The following MAMDC2 variants were observed in gnomAD, a reference collection of about 807,000 sequenced individuals.
The protein encoded by MAMDC2 is MAM domain containing 2.
Under a neutral mutation model 89.8 loss-of-function variants are expected in MAMDC2, and 57 were observed. The observed-to-expected ratio is 0.63, with a 90% CI of 0.51 to 0.79. The LOEUF (loss-of-function observed/expected upper bound fraction) is 0.79. Among genes scored for constraint, MAMDC2 ranks in the 30% least tolerant of loss-of-function variants. The pLI, the probability that MAMDC2 is intolerant of heterozygous loss-of-function variation, is 0.00. For missense variants in MAMDC2, 800 were observed against 820.6 expected (o/e 0.97, Z 0.31); for synonymous variants, 313 against 293.4 (o/e 1.07, Z -0.68).
At chr9:70,168,471 G>A in intron 9 of MAMDC2, 1 of 406,870 alleles carries the variant, frequency 2.5e-6, no homozygotes, top group African/African-American at 2.0e-5. Flanking sequence ...CAGCCTTGGC[G>A]ACAGAGCGAG....
At chr9:70,050,056 A>G (rs528756988) in intron 2 of MAMDC2, among the ~76,000 whole-genome samples, 34 of 152,042 alleles carry the variant, frequency 2.2e-4, no homozygotes, top group African/African-American at 7.0e-4. Flanking sequence ...TGTGTTGGAA[A>G]CTCTTCATCA....
At chr9:70,192,961 C>T (rs892667318) in intron 11 of MAMDC2, among the ~76,000 whole-genome samples, 2 of 152,052 alleles carry the variant, frequency 1.3e-5, no homozygotes, top group Admixed American at 6.6e-5. Flanking sequence ...GATTAGACAT[C>T]ACCTGGAGGA....
At chr9:70,063,803 C>A (rs1827203197) in intron 2 of MAMDC2, among the ~76,000 whole-genome samples, 1 of 151,938 alleles carries the variant, frequency 6.6e-6, no homozygotes, top group Non-Finnish European at 1.5e-5. Context: ...ATTATCATTC[C>A]CATTTTACAG....
chr9:70,188,300 C>G (rs73448668), intron 11 of MAMDC2, among the ~76,000 whole-genome samples: 1 of 152,084 alleles, frequency 6.6e-6, no homozygotes, highest in Admixed American at 6.5e-5. Flanking sequence ...TTAACAATTA[C>G]GATTTACAAT....
At chr9:70,208,118 C>G (rs1286421061) in intron 11 of MAMDC2, among the ~76,000 whole-genome samples, 1 of 152,136 alleles carries the variant, frequency 6.6e-6, no homozygotes, top group Non-Finnish European at 1.5e-5. Flanking sequence ...ACTGAGGGCT[C>G]TTTTTTGATT....
chr9:70,151,354 T>A (rs2031573143), intron 9 of MAMDC2, among the ~76,000 whole-genome samples: 1 of 152,246 alleles, frequency 6.6e-6, no homozygotes, highest in Non-Finnish European at 1.5e-5. Flanking sequence ...TTATTGTCCA[T>A]CTCTTTTCCT....
At chr9:70,066,100 A>G (rs565434306) in intron 2 of MAMDC2, among the ~76,000 whole-genome samples, 3 of 152,290 alleles carry the variant, frequency 2.0e-5, no homozygotes, top group South Asian at 2.1e-4. Flanking sequence ...ATCGTGTCCT[A>G]TGAAAAATTA....
chr9:70,182,765 C>A (rs7860729), intron 11 of MAMDC2, among the ~76,000 whole-genome samples: 10,427 of 152,042 alleles, frequency 0.069, 564 homozygotes, highest in East Asian at 0.21. Flanking sequence ...TTAGTCTGAG[C>A]GGTCTATCTA....
chr9:70,127,883 C>T (rs1373971098), intron 6 of MAMDC2, among the ~76,000 whole-genome samples: 1 of 152,180 alleles, frequency 6.6e-6, no homozygotes, highest in African/African-American at 2.4e-5. Context: ...ATGAGTCCCA[C>T]ACACACACTG....
At chr9:70,056,573 G>C (rs568745546) in intron 2 of MAMDC2, among the ~76,000 whole-genome samples, 1 of 152,250 alleles carries the variant, frequency 6.6e-6, no homozygotes, top group South Asian at 2.1e-4. Flanking sequence ...AGTGATGTTG[G>C]GGATAACACA....
At chr9:70,139,389 C>T (rs13286256) in intron 7 of MAMDC2, among the ~76,000 whole-genome samples, 84,156 of 139,584 alleles carry the variant, frequency 0.6, 25,102 homozygotes, top group Non-Finnish European at 0.67. Flanking sequence ...TTTGTCCTTG[C>T]GATAGTTTAC....
At chr9:70,095,352 C>T (rs969164847) in intron 2 of MAMDC2, among the ~76,000 whole-genome samples, 8 of 152,084 alleles carry the variant, frequency 5.3e-5, no homozygotes, top group African/African-American at 1.7e-4. Flanking sequence ...AGCAGATAGA[C>T]GTATCAGAAG....
At chr9:70,065,862 T>C (rs1171444589) in intron 2 of MAMDC2, among the ~76,000 whole-genome samples, 1 of 152,200 alleles carries the variant, frequency 6.6e-6, no homozygotes, top group Admixed American at 6.5e-5. Flanking sequence ...TCCTATTCCT[T>C]GCATGTTTGC....
At chr9:70,213,249 C>T (rs557886202) in intron 11 of MAMDC2, among the ~76,000 whole-genome samples, 2 of 152,250 alleles carry the variant, frequency 1.3e-5, no homozygotes, top group African/African-American at 4.8e-5. Context: ...TTTCAGGGCC[C>T]TTAGTCTCTA....
At chr9:70,211,293 G>C (rs2033349403) in intron 11 of MAMDC2, among the ~76,000 whole-genome samples, 1 of 152,160 alleles carries the variant, frequency 6.6e-6, no homozygotes, top group Non-Finnish European at 1.5e-5. Flanking sequence ...TTTTGACATA[G>C]TCCCATATTT....
At chr9:70,072,803 A>AT (rs981255033) in intron 2 of MAMDC2, among the ~76,000 whole-genome samples, 57 of 151,980 alleles carry the variant, frequency 3.8e-4, no homozygotes, top group Non-Finnish European at 7.1e-4. Flanking sequence ...AAAAAAGCAA[A>AT]TTTTTTTTAA....
intron 11 of MAMDC2, among the ~76,000 whole-genome samples, chr9:70,205,403 T>C (rs1289405899): frequency 1.3e-5 from 2 of 152,226 alleles, no homozygotes; most frequent in Admixed American, 6.5e-5. Flanking sequence ...TCTACAATTG[T>C]TCTTCACAAA....
At chr9:70,183,792 C>G (rs368813614) in intron 11 of MAMDC2, among the ~76,000 whole-genome samples, 2 of 152,058 alleles carry the variant, frequency 1.3e-5, no homozygotes, top group Non-Finnish European at 2.9e-5. Flanking sequence ...GGTCTTGACT[C>G]TATCCAATTT....
At chr9:70,176,563 G>A (rs2032508515) in intron 11 of MAMDC2, among the ~76,000 whole-genome samples, 1 of 152,160 alleles carries the variant, frequency 6.6e-6, no homozygotes, top group Non-Finnish European at 1.5e-5. Flanking sequence ...GCACAACACA[G>A]AAAATTCTGA....
Sources: allele counts gnomAD v4.1 joint callset (sites outside exome capture counted in the v4.1 genomes callset), GRCh38; gene constraint gnomAD v4.1.1; transcripts MANE v1.5; gene names NCBI Gene and HGNC (gene_info 2026-07-23, HGNC 2026-07-21).